Variants in RPS29 observed in about 807,000 individuals in gnomAD.
RPS29 encodes ribosomal protein S29.
For missense variants in RPS29, 60 were observed against 75.7 expected, an observed-to-expected ratio of 0.79 and a Z score of 0.77; for synonymous variants, 37 against 26.9, an observed-to-expected ratio of 1.37 and a Z score of -1.16.
chr14:49,594,111 C>T (rs1881771840), intron 1 of RPS29, among the ~76,000 whole-genome samples: 1 of 152,100 alleles, frequency 6.6e-6, no homozygotes, highest in Non-Finnish European at 1.5e-5. Flanking sequence ...CTTGAGGATT[C>T]TATGATAGGA....
rs1257250180 is a variant in RPS29, at chr14:49,586,043, G to A, written c.69C>T (p.Val23=). 2 of 1,611,470 alleles carry A rather than the reference G, an allele frequency of 1.2e-6. No individual in the cohort carries two copies. The highest frequency in any genetic ancestry group is 2.2e-5 in the East Asian group (1 of 44,788). Residue 23 remains valine, a synonymous_variant, in exon 2 of 3, where the codon GTC becomes GTT. Coordinates refer to ENST00000245458, the MANE Select transcript of RPS29 (RefSeq NM_001032.5). ...GGATCAGACCGTGCCGGTTTGAACA[G>A]ACACGACTGTAAGAAAAGAGACAGC... ...KFGQGSRSCR[V]CSNRHGLIRK... is the part of the protein sequence containing the mutation.
chr14:49,587,214 T>A (rs188633268), upstream of RPS29, among the ~76,000 whole-genome samples: 164 of 152,338 alleles, frequency 1.1e-3, no homozygotes, highest in East Asian at 0.016. Context: ...GATTCTTAAA[T>A]GTAATTGGCT....
At chr14:49,590,188 A>G (rs1881681629), upstream of RPS29, among the ~76,000 whole-genome samples, 1 of 152,140 alleles carries the variant, frequency 6.6e-6, no homozygotes, top group Non-Finnish European at 1.5e-5. Flanking sequence ...GTTTTTTTAA[A>G]AACACCTGGC....
chr14:49,594,455 C>T (rs773258974), intron 1 of RPS29, among the ~76,000 whole-genome samples: 2 of 152,014 alleles, frequency 1.3e-5, no homozygotes, highest in Non-Finnish European at 1.5e-5. Context: ...TGAATTGATA[C>T]GGCAGTGCTA....
upstream of RPS29, among the ~76,000 whole-genome samples, chr14:49,589,316 A>C (rs1019768050): frequency 1.6e-4 from 24 of 152,190 alleles, no homozygotes; most frequent in African/African-American, 4.6e-4. Flanking sequence ...AAAGAAAAAA[A>C]AAAGTGCCAT....
chr14:49,585,014 A>C (rs1053795826), intron 2 of RPS29, among the ~76,000 whole-genome samples: 2 of 152,194 alleles, frequency 1.3e-5, no homozygotes, highest in Non-Finnish European at 2.9e-5. Flanking sequence ...TTGTTTGCTG[A>C]ATCTTAACAA....
At position 49,598,422 on chromosome 14, in the gene RPS29, C is replaced by T. The variant is rs867041482; in HGVS notation, c.-155G>A. The T allele has an allele frequency of 7.1e-6, 5 of 699,486 alleles. 1 individual carries two copies. In the Middle Eastern group the frequency reaches 9.2e-4, roughly 128 times the overall value. The allele number at this position is 699,486 out of a possible 1,614,324, so 43.3% of individuals were successfully genotyped here. A position where few individuals can be genotyped will look rare whatever the true frequency, so the allele number is the denominator to read the frequency against. ...TACCCGCCATGAAAAATTATTTGTT[C>T]AGCAGGAATTGCCAAGTCAAATACA... On this transcript the variant is annotated 5_prime_UTR_variant, in exon 1 of 4. Coordinates refer to the RPS29 transcript ENST00000556230.
intron 1 of RPS29, 91 bp from the exon 2 acceptor site, chr14:49,586,140 G>A (rs1881542576): frequency 1.4e-6 from 2 of 1,409,526 alleles, no homozygotes; most frequent in East Asian, 2.3e-5. Context: ...GGACTCCCAA[G>A]CCACAGTACA....
At chr14:49,590,066 C>T (rs1040812855), upstream of RPS29, among the ~76,000 whole-genome samples, 1 of 152,104 alleles carries the variant, frequency 6.6e-6, no homozygotes, top group African/African-American at 2.4e-5. Context: ...GGTGAGGATT[C>T]GAAAAGTACC....
chr14:49,589,690 C>G (rs1881671533), upstream of RPS29, among the ~76,000 whole-genome samples: 1 of 152,036 alleles, frequency 6.6e-6, no homozygotes, highest in Non-Finnish European at 1.5e-5. Flanking sequence ...GGATATATAC[C>G]CAAAAGAATA....
intron 1 of RPS29, 23 bp from the exon 2 acceptor site, chr14:49,586,072 T>A: frequency 6.2e-7 from 1 of 1,600,430 alleles, no homozygotes; most frequent in Non-Finnish European, 8.6e-7. Flanking sequence ...AGACAGCGGT[T>A]TTGCAGGTCA....
downstream of RPS29, among the ~76,000 whole-genome samples, chr14:49,581,000 C>G (rs886581878): frequency 1.3e-5 from 2 of 151,920 alleles, no homozygotes; most frequent in African/African-American, 4.8e-5. Context: ...AGCCATTGGC[C>G]GGCATGGAGA....
At chr14:49,582,524 C>A (rs1881370055), downstream of RPS29, among the ~76,000 whole-genome samples, 1 of 152,158 alleles carries the variant, frequency 6.6e-6, no homozygotes. Flanking sequence ...TCAAATAATG[C>A]ACATTATTAT....
intron 1 of RPS29, among the ~76,000 whole-genome samples, chr14:49,594,191 C>T (rs561227008): frequency 2.0e-4 from 31 of 152,290 alleles, no homozygotes; most frequent in African/African-American, 7.5e-4. Context: ...CTAACTGATA[C>T]ATCTGCTTTC....
At chr14:49,579,449 C>A (rs1474191735), downstream of RPS29, among the ~76,000 whole-genome samples, 2 of 152,190 alleles carry the variant, frequency 1.3e-5, no homozygotes, top group African/African-American at 4.8e-5. Flanking sequence ...CACATGTAGT[C>A]CTAGCATTTT....
chr14:49,584,302 G>A lies in RPS29; in HGVS notation c.163-627C>T, dbSNP rs57964954. Among the ~76,000 whole-genome samples the A allele has an allele frequency of 8.2e-3, 1,254 of 152,306 alleles. 15 individuals carry two copies. The highest frequency in any genetic ancestry group is 0.029 in the African/African-American group (1,195 of 41,566). On this transcript the variant is annotated intron_variant, in intron 2 of 2. Coordinates refer to ENST00000245458, the MANE Select transcript of RPS29 (RefSeq NM_001032.5). Reference sequence around the variant, plus strand: ...CAGTTCATCTAGGACACAGAGCTAGGGCGTGGGCCAAGGTCCATTTTCTTA... The same window carrying A: ...CAGTTCATCTAGGACACAGAGCTAGAGCGTGGGCCAAGGTCCATTTTCTTA...
At chr14:49,586,550 T>G, upstream of RPS29, 2 of 596,544 alleles carry the variant, frequency 3.4e-6, no homozygotes, top group Non-Finnish European at 6.1e-6. Context: ...TACCACAGCT[T>G]CTAGTGCTAT....
At chr14:49,594,968 C>CT (rs1360281189) in intron 1 of RPS29, among the ~76,000 whole-genome samples, 2 of 152,228 alleles carry the variant, frequency 1.3e-5, no homozygotes, top group East Asian at 3.9e-4. Context: ...TGAACTTGCC[C>CT]TTTTTGCCAA....
chr14:49,578,559 C>CTTTTTTTTTTTTTTTTTTTTTTTTT (rs60555753), intron 2 of RPS29, among the ~76,000 whole-genome samples: 2 of 103,466 alleles, frequency 1.9e-5, no homozygotes, highest in Non-Finnish European at 3.6e-5. Flanking sequence ...AAAGCTTTCA[C>CTTTTTTTTTTTTTTTTTTTTTTTTT]TTTTTTTTTT....
Sources: gnomAD v4.1 joint callset for allele counts (sites outside exome capture counted in the v4.1 genomes callset) on GRCh38, gnomAD v4.1.1 for gene constraint, MANE v1.5 for transcripts, NCBI Gene and HGNC (gene_info 2026-07-23, HGNC 2026-07-21) for gene names.